Variants in ADGRB2 observed in about 807,000 individuals in gnomAD.
ADGRB2 encodes the protein brain-specific angiogenesis inhibitor 2.
ADGRB2 carries 47 observed loss-of-function variants against 178.7 expected under a neutral mutation model. The ratio of observed to expected loss-of-function variants is 0.26; its 90% confidence interval spans 0.21 to 0.34. The LOEUF (loss-of-function observed/expected upper bound fraction) is 0.34. ADGRB2 is among the 10% of genes least tolerant of loss of function. The pLI, the probability that ADGRB2 is intolerant of heterozygous loss-of-function variation, is 1.00. For synonymous variants in ADGRB2, 870 were observed against 912.4 expected, an observed-to-expected ratio of 0.95 and a Z score of 0.84; for missense variants, 1,584 against 2,180.8, an observed-to-expected ratio of 0.73 and a Z score of 5.45.
At chr1:31,736,449 T>C (rs1473002427) in intron 21 of ADGRB2, 59 bp from the exon 22 acceptor site, 1 of 1,606,964 alleles carries the variant, frequency 6.2e-7, no homozygotes, top group African/African-American at 1.3e-5. Flanking sequence ...CCCCTTGTTC[T>C]CCCAGACTCC....
rs1439941199 is a variant in ADGRB2 at position 31,756,834 on chromosome 1, G to T, written c.22-19C>A. On this transcript the variant is annotated intron_variant, in intron 3 of 32. Transcript: ENST00000373658. This position sits in a 1 kb window ranked among gnomAD's most constrained non-coding sequence, Gnocchi z 8.5. ...CCTTGCCCTGTGGAGAGAGACAGTG[G>T]TCAGCGGGCCCCCAGCACAGCCAGC... is the stretch of plus-strand genomic sequence containing the variant. The T allele has an allele frequency of 6.9e-7, 1 of 1,454,992 alleles. No individual in the cohort carries two copies. Among genetic ancestry groups the T allele is most frequent in the East Asian group, 2.5e-5 (1 of 40,142 alleles). 90.1% of individuals were successfully genotyped at this position (1,454,992 alleles called of 1,614,324 possible).
At chr1:31,742,363 T>A (rs1351125354) in intron 7 of ADGRB2, 146 bp from the exon 8 acceptor site, 2 of 1,169,390 alleles carry the variant, frequency 1.7e-6, no homozygotes, top group African/African-American at 1.6e-5. Flanking sequence ...GGGAGGGGGT[T>A]ATGAGGAAGG....
Position 31,756,209 on chromosome 1 carries a change from G to C in ADGRB2, c.628C>G (p.Arg210Gly). 1.2e-6 allele frequency: 2 copies of C among 1,613,628 alleles called. No individual in the cohort carries two copies. The highest frequency in any genetic ancestry group is 1.7e-6 in the Non-Finnish European group (2 of 1,179,932). ...VLCRWSEECG[R>G]AAGRACGFAQ... ...AAGCCGCAGGCCCTGCCGGCAGCGC[G>C]GCCACACTCCTCACTCCAGCGGCAG... The change falls in exon 4 of 33, where the codon CGC becomes GGC. Residue 210 changes from arginine to glycine, a missense_variant. Around this residue, in one of 3 missense-constraint regions of ADGRB2, gnomAD observed 657 missense variants for 847.6 expected, o/e 0.78. Coordinates refer to ENST00000373658, the MANE Select transcript of ADGRB2 (RefSeq NM_001364857.2). This position sits in a 1 kb window ranked among gnomAD's most constrained non-coding sequence, Gnocchi z 8.5.
At chr1:31,732,068 C>T in intron 28 of ADGRB2, 47 bp downstream of exon 28, 7 of 1,611,934 alleles carry the variant, frequency 4.3e-6, no homozygotes, top group African/African-American at 1.3e-5. Flanking sequence ...GCCTCCCCTT[C>T]TTCTCCAACC....
chr1:31,739,784 A>G, intron 14 of ADGRB2, 142 bp downstream of exon 14: 1 of 1,170,204 alleles, frequency 8.5e-7, no homozygotes, highest in Non-Finnish European at 1.2e-6. Context: ...ACAGACATAC[A>G]CAGAGAAACA....
Position 31,757,196 on chromosome 1 carries a change from C to T in ADGRB2, c.21+5G>A, listed in dbSNP as rs1252732136. On this transcript the variant is annotated splice_donor_5th_base_variant and intron_variant, in intron 3 of 32. Transcript: ENST00000373658. ...CCTTGCATTCAGATCCAGCCCCAGCCTCACCATCCAACCTGTATTCTCCAT... is the reference window on the plus strand; with the variant it reads ...CCTTGCATTCAGATCCAGCCCCAGCTTCACCATCCAACCTGTATTCTCCAT... 3.1e-6 allele frequency: 5 copies of T among 1,614,204 alleles called. No homozygotes were observed. The highest frequency in any genetic ancestry group is 2.2e-5 in the East Asian group (1 of 44,888).
Position 31,733,149 on chromosome 1 carries a change from G to GGGAC in ADGRB2, c.3453-10_3453-7dup. 1.3e-6 allele frequency: 2 copies of GGGAC among 1,572,328 alleles called. No homozygotes were observed. The highest frequency in any genetic ancestry group is 1.7e-6 in the Non-Finnish European group (2 of 1,159,312). On this transcript the variant is annotated splice_polypyrimidine_tract_variant and splice_region_variant and intron_variant, in intron 25 of 32. Transcript: ENST00000373658. The surrounding 1 kb of genome is among the most constrained non-coding windows in gnomAD (Gnocchi z 4.3). ...AGGAGCTCCAGAGTGAGGCCCTGAG[G>GGGAC]GGACAGTGGCAGAGCCCATCAGAGT...
At chr1:31,738,708 A>G in intron 16 of ADGRB2, 78 bp from the exon 17 acceptor site, 2 of 1,594,080 alleles carry the variant, frequency 1.3e-6, no homozygotes, top group Non-Finnish European at 1.7e-6. Flanking sequence ...CATGGGGGCC[A>G]CAGCAGCTCC....
chr1:31,748,509 G>C (rs576716664), intron 4 of ADGRB2, among the ~76,000 whole-genome samples: 1 of 152,406 alleles, frequency 6.6e-6, no homozygotes, highest in African/African-American at 2.4e-5. Context: ...CACACTGTGT[G>C]CAGGCCCCAG....
intron 16 of ADGRB2, 42 bp downstream of exon 16, chr1:31,738,790 G>C (rs1208711593): frequency 6.2e-7 from 1 of 1,609,562 alleles, no homozygotes; most frequent in Admixed American, 1.7e-5. Context: ...TGGCCACCCA[G>C]GTTGAGGTGC....
intron 4 of ADGRB2, among the ~76,000 whole-genome samples, chr1:31,750,494 C>T (rs1036161898): frequency 6.6e-6 from 1 of 152,136 alleles, no homozygotes; most frequent in Non-Finnish European, 1.5e-5. Context: ...TTCACAGACC[C>T]CTCCCCCCAA....
In ADGRB2 at chr1:31,728,787, T is replaced by G. The variant is rs1645127127; in HGVS notation, c.4381-154A>C. On this transcript the variant is annotated intron_variant, in intron 29 of 32. Coordinates refer to ENST00000373658, the MANE Select transcript of ADGRB2 (RefSeq NM_001364857.2). The surrounding 1 kb of genome is among the most constrained non-coding windows in gnomAD (Gnocchi z 6.7). ...AAGTTGCGGACCTTCATGGGGCAGC[T>G]TTTCAGGCCTCACTGAACACACACA... Among the ~76,000 whole-genome samples, 1 of 128,960 alleles carries G rather than the reference T, an allele frequency of 7.8e-6. No individual in the cohort carries two copies. The highest frequency in any genetic ancestry group is 2.7e-5 in the African/African-American group (1 of 37,570). 84.6% of individuals were successfully genotyped at this position (128,960 alleles called of 152,430 possible). A position where few individuals can be genotyped will look rare whatever the true frequency, so the allele number is the denominator to read the frequency against.
chr1:31,753,449 C>T lies in ADGRB2; in HGVS notation c.838+2550G>A, dbSNP rs1027696520. ...ACCAGCCCCCAGCCCAGTGCTCTTC[C>T]GGTACCAGCCCAAGCCCACCCTGCT... On this transcript the variant is annotated intron_variant, in intron 4 of 32. Transcript: ENST00000373658. This position sits in a 1 kb window ranked among gnomAD's most constrained non-coding sequence, Gnocchi z 4.1. Among the ~76,000 whole-genome samples the T allele has an allele frequency of 6.6e-6, 1 of 152,222 alleles. No homozygotes were observed. The highest frequency in any genetic ancestry group is 1.5e-5 in the Non-Finnish European group (1 of 68,048).
At chr1:31,748,250 C>G (rs1646377398) in intron 4 of ADGRB2, among the ~76,000 whole-genome samples, 1 of 152,182 alleles carries the variant, frequency 6.6e-6, no homozygotes, top group African/African-American at 2.4e-5. Flanking sequence ...CAGAACATGT[C>G]CGAGGTTCAG....
chr1:31,739,535 C>T lies in ADGRB2; in HGVS notation c.2268G>A (p.Glu756=). ...CCTCCTTGGGCAGGAAGAGGCGGTC[C>T]TCTGAGTGCCGCACCCAGTCCTTCA... ...RGMKDWVRHS[E]DRLFLPKEVL... Residue 756 remains glutamate (E), a synonymous_variant, in exon 15 of 33, where the codon GAG becomes GAA. Coordinates refer to ENST00000373658, the MANE Select transcript of ADGRB2 (RefSeq NM_001364857.2). The T allele has an allele frequency of 1.2e-6, 2 of 1,613,116 alleles. No individual in the cohort carries two copies. Among genetic ancestry groups the T allele is most frequent in the Non-Finnish European group, 1.7e-6 (2 of 1,179,960 alleles).
chr1:31,730,662 C>G (rs956240531), intron 29 of ADGRB2, 138 bp downstream of exon 29: 5 of 1,191,988 alleles, frequency 4.2e-6, no homozygotes, highest in Non-Finnish European at 5.5e-6. Flanking sequence ...TGAGCAGAAA[C>G]AGAGAAATGC....
Position 31,735,381 on chromosome 1 carries a change from CGAGA to C in ADGRB2, c.3354-104_3354-101del, listed in dbSNP as rs763145683. On this transcript the variant is annotated intron_variant, in intron 24 of 32. Coordinates refer to ENST00000373658, the MANE Select transcript of ADGRB2 (RefSeq NM_001364857.2). The surrounding 1 kb of genome is among the most constrained non-coding windows in gnomAD (Gnocchi z 6.0). ...GAGTGGGGTGGGAGGGGAGGGCAGA[CGAGA>C]GAGAGAGAGCTGGGTTAGGGTGGGT... 9.9e-6 allele frequency: 11 copies of C among 1,111,212 alleles called. No homozygotes were observed. Among genetic ancestry groups the C allele is most frequent in the South Asian group, 2.7e-5 (2 of 74,278 alleles). 68.8% of individuals were successfully genotyped at this position (1,111,212 alleles called of 1,614,324 possible). A position where few individuals can be genotyped will look rare whatever the true frequency, so the allele number is the denominator to read the frequency against.
chr1:31,746,262 G>C (rs549222016), intron 4 of ADGRB2, among the ~76,000 whole-genome samples: 1 of 152,104 alleles, frequency 6.6e-6, no homozygotes, highest in Non-Finnish European at 1.5e-5. Flanking sequence ...AGTCATTCTC[G>C]TTTATTTTTA....
intron 17 of ADGRB2, 68 bp downstream of exon 17, chr1:31,738,519 G>T (rs12565382): frequency 6.4e-7 from 1 of 1,558,908 alleles, no homozygotes; most frequent in East Asian, 2.4e-5. Flanking sequence ...TTTTAGGCAG[G>T]AGACCCCTTT....
Sources: gnomAD v4.1 joint callset for allele counts (sites outside exome capture counted in the v4.1 genomes callset) on GRCh38, gnomAD v4.1.1 for gene constraint, gnomAD v4.1.1 regional missense constraint, Gnocchi (gnomAD v3.1) non-coding constraint, MANE v1.5 for transcripts, NCBI Gene and HGNC (gene_info 2026-07-23, HGNC 2026-07-21) for gene names.